FAM135B: variants seen among roughly 807,000 people sequenced by gnomAD.
FAM135B encodes protein FAM135B.
Under a neutral mutation model 127.7 loss-of-function variants are expected in FAM135B, and 43 were observed. That is an observed-to-expected ratio of 0.34 (90% CI 0.26 to 0.43). The LOEUF is 0.43. Ranked by LOEUF, FAM135B falls within the 20% of genes least tolerant of loss-of-function variation. FAM135B has a pLI of 1.00. For synonymous variants in FAM135B, 670 were observed against 665.1 expected (o/e 1.01, Z -0.11); for missense variants, 1,558 against 1,725.6 (o/e 0.90, Z 1.72).
At chr8:138,334,829 T>A (rs11166809) in intron 2 of FAM135B, among the ~76,000 whole-genome samples, 58,827 of 151,944 alleles carry the variant, frequency 0.39, 11,646 homozygotes, top group East Asian at 0.54. Flanking sequence ...CTCTTTGCTA[T>A]TGCGAATAGT....
chr8:138,477,719 TGGCCATGAG>T (rs1282406379), intron 1 of FAM135B, among the ~76,000 whole-genome samples: 2 of 152,234 alleles, frequency 1.3e-5, no homozygotes, highest in Non-Finnish European at 2.9e-5. Context: ...TGGTCAGTGG[TGGCCATGAG>T]GGCCAGTTCA....
chr8:138,210,675 C>T lies in FAM135B; in HGVS notation c.670-13006G>A, dbSNP rs117264668. On this transcript the variant is annotated intron_variant, in intron 7 of 19. Coordinates refer to ENST00000395297, the MANE Select transcript of FAM135B (RefSeq NM_015912.4). ...ATGGGAGAAATCCATCCCCATGATC[C>T]AATCACTTCCCACCAGGTCCCTCCC... Among the ~76,000 whole-genome samples, 61 of 152,218 alleles carry T rather than the reference C, an allele frequency of 4.0e-4. No homozygotes were observed. The East Asian group carries it at 8.5e-3, about 21-fold the overall frequency.
rs1818201669 is a variant in FAM135B at position 138,151,961 on chromosome 8, G to A, written c.2514C>T (p.Asn838=). ...PLVEIVLDAD[N]QQGPGYIDIP... ...TGTCTATGTATCCGGGGCCCTGCTG[G>A]TTGTCAGCATCTAAAACTATCTCCA... is the stretch of plus-strand genomic sequence containing the variant. Residue 838 remains asparagine (N), a synonymous_variant, in exon 13 of 20, where the codon AAC becomes AAT. Coordinates refer to ENST00000395297, the MANE Select transcript of FAM135B (RefSeq NM_015912.4). 6.2e-7 allele frequency: 1 copy of A among 1,613,974 alleles called. No homozygotes were observed. Among genetic ancestry groups the A allele is most frequent in the Admixed American group, 1.7e-5 (1 of 60,004 alleles).
chr8:138,283,015 C>T (rs926837708), intron 3 of FAM135B, among the ~76,000 whole-genome samples: 2 of 152,094 alleles, frequency 1.3e-5, no homozygotes, highest in African/African-American at 4.8e-5. Flanking sequence ...ATTTTCCCGC[C>T]TCAGTCTCCT....
rs2130752394 is a variant in FAM135B at position 138,152,011 on chromosome 8, C to G, written c.2464G>C (p.Asp822His). Residue 822 changes from aspartate (D) to histidine (H), a missense_variant, in exon 13 of 20, where the codon GAT becomes CAT. Around this residue, in one of 5 missense-constraint regions of FAM135B, gnomAD observed 923 missense variants for 865.3 expected, o/e 1.07. Transcript: ENST00000395297. The part of the protein sequence containing the change: ...CSQLCGDSGT[D>H]AGADHPLVEI... ...ACCAGGGGATGGTCTGCTCCAGCAT[C>G]TGTTCCAGAGTCACCACAAAGTTGA... 1 of 1,614,120 alleles carries G rather than the reference C, an allele frequency of 6.2e-7. No individual in the cohort carries two copies. Among genetic ancestry groups the G allele is most frequent in the Non-Finnish European group, 8.5e-7 (1 of 1,180,018 alleles).
rs576687840 is a variant in FAM135B, at chr8:138,132,477, C to T, written c.*116G>A. Reference sequence around the variant, plus strand: ...TCATGTCAGGTTCCACCCGAGCCTCCGTCCCCCAATGCTGTTGAAGCTTCA... The same window carrying T: ...TCATGTCAGGTTCCACCCGAGCCTCTGTCCCCCAATGCTGTTGAAGCTTCA... On this transcript the variant is annotated 3_prime_UTR_variant, in exon 20 of 20. Coordinates refer to ENST00000395297, the MANE Select transcript of FAM135B (RefSeq NM_015912.4). The surrounding 1 kb of genome is among the most constrained non-coding windows in gnomAD (Gnocchi z 4.5). 2.4e-5 allele frequency: 20 copies of T among 843,502 alleles called. No individual in the cohort carries two copies. Among genetic ancestry groups the T allele is most frequent in the South Asian group, 4.8e-5 (3 of 62,600 alleles). 52.3% of individuals were successfully genotyped at this position (843,502 alleles called of 1,614,324 possible). A position where few individuals can be genotyped will look rare whatever the true frequency, so the allele number is the denominator to read the frequency against.
chr8:138,154,871 T>G (rs199969536), intron 12 of FAM135B, among the ~76,000 whole-genome samples: 9 of 152,306 alleles, frequency 5.9e-5, no homozygotes, highest in African/African-American at 1.7e-4. Context: ...AAAACACTGT[T>G]CAGGATATTA....
intron 1 of FAM135B, among the ~76,000 whole-genome samples, chr8:138,424,014 G>T (rs1476203437): frequency 6.6e-6 from 1 of 152,104 alleles, no homozygotes; most frequent in African/African-American, 2.4e-5. Context: ...GGAGTTTAAG[G>T]TTTTCTCTCT....
chr8:138,403,859 C>T (rs2131373378), intron 1 of FAM135B, among the ~76,000 whole-genome samples: 1 of 152,276 alleles, frequency 6.6e-6, no homozygotes, highest in East Asian at 1.9e-4. Flanking sequence ...GCAACTTTGC[C>T]AGCAATGTCT....
At chr8:138,259,791 A>T (rs1479769342) in intron 4 of FAM135B, among the ~76,000 whole-genome samples, 1 of 152,176 alleles carries the variant, frequency 6.6e-6, no homozygotes, top group Admixed American at 6.5e-5. Context: ...CAATAATTCA[A>T]TGAGGTATTC....
chr8:138,489,971 C>T (rs996049561), intron 1 of FAM135B, among the ~76,000 whole-genome samples: 1 of 152,180 alleles, frequency 6.6e-6, no homozygotes, highest in African/African-American at 2.4e-5. Flanking sequence ...AGCTTTGCCA[C>T]TGTATATTAT....
chr8:138,199,705 A>G (rs562846029), intron 7 of FAM135B, among the ~76,000 whole-genome samples: 1 of 152,322 alleles, frequency 6.6e-6, no homozygotes, highest in African/African-American at 2.4e-5. Context: ...TCATGAAGGA[A>G]GGGGAAGCAG....
chr8:138,317,974 A>G (rs1827208956), intron 2 of FAM135B, among the ~76,000 whole-genome samples: 2 of 152,250 alleles, frequency 1.3e-5, no homozygotes, highest in Non-Finnish European at 1.5e-5. Flanking sequence ...TAGATCTTTC[A>G]GTTTTTCAGG....
chr8:138,250,819 G>C (rs1310041939), intron 6 of FAM135B, 22 bp downstream of exon 6: 1 of 1,611,486 alleles, frequency 6.2e-7, no homozygotes, highest in Non-Finnish European at 8.5e-7. Context: ...CCACATATCA[G>C]GGCTGCCTCT....
intron 1 of FAM135B, among the ~76,000 whole-genome samples, chr8:138,444,662 G>T (rs1836003315): frequency 6.6e-6 from 1 of 151,988 alleles, no homozygotes; most frequent in African/African-American, 2.4e-5. Flanking sequence ...GTGTGTAGAG[G>T]GAAATTTATA....
Position 138,383,244 on chromosome 8 carries a change from C to T in FAM135B, c.-19-15242G>A, listed in dbSNP as rs151313289. On this transcript the variant is annotated intron_variant, in intron 1 of 19. Coordinates refer to ENST00000395297, the MANE Select transcript of FAM135B (RefSeq NM_015912.4). ...TCCTCACTTTTTCTTGGACCTTCAA[C>T]TGAGAGTCTTTAAAGCCAGACATGC... Among the ~76,000 whole-genome samples the T allele has an allele frequency of 4.2e-3, 635 of 152,312 alleles. 6 individuals are homozygous for T. The highest frequency in any genetic ancestry group is 0.015 in the African/African-American group (615 of 41,566).
At chr8:138,163,765 CACCATGAACAAATGCTATTGTCACAG>C (rs1184362255) in intron 12 of FAM135B, among the ~76,000 whole-genome samples, 1 of 152,148 alleles carries the variant, frequency 6.6e-6, no homozygotes, top group Non-Finnish European at 1.5e-5. Context: ...CATACTAATA[CACCATGAACAAATGCTATTGTCACAG>C]ACCATGAACA....
chr8:138,282,039 C>A (rs1824305522), intron 3 of FAM135B, among the ~76,000 whole-genome samples: 1 of 152,212 alleles, frequency 6.6e-6, no homozygotes, highest in Non-Finnish European at 1.5e-5. Flanking sequence ...CTATTTTGTG[C>A]ATTTTCCAAG....
intron 1 of FAM135B, among the ~76,000 whole-genome samples, chr8:138,472,599 T>C (rs1304129014): frequency 1.6e-5 from 2 of 125,390 alleles, no homozygotes; most frequent in African/African-American, 2.5e-5. Context: ...CAAATTCCAG[T>C]AGAGAAAGAG....
Sources: gnomAD v4.1 joint callset for allele counts (sites outside exome capture counted in the v4.1 genomes callset) on GRCh38, gnomAD v4.1.1 for gene constraint, gnomAD v4.1.1 regional missense constraint, Gnocchi (gnomAD v3.1) non-coding constraint, MANE v1.5 for transcripts, NCBI Gene and HGNC (gene_info 2026-07-23, HGNC 2026-07-21) for gene names.